Variants in DENND5A observed in about 807,000 individuals in gnomAD.
DENND5A encodes the protein DENN domain containing 5A.
DENND5A carries 64 observed loss-of-function variants against 140.3 expected under a neutral mutation model. The ratio of observed to expected loss-of-function variants is 0.46; its 90% CI spans 0.37 to 0.56. The LOEUF (loss-of-function observed/expected upper bound fraction) is 0.56, where lower values mean the gene tolerates loss of function less well. Ranked by LOEUF, DENND5A falls within the 20% of genes least tolerant of loss-of-function variation. The pLI is 0.00. For missense variants in DENND5A, 1,292 were observed against 1,593.8 expected (o/e 0.81, Z 3.22); for synonymous variants, 605 against 607.7 (o/e 1.00, Z 0.07).
chr11:9,159,306 T>C (rs1847902853), intron 12 of DENND5A, among the ~76,000 whole-genome samples: 2 of 151,468 alleles, frequency 1.3e-5, no homozygotes, highest in East Asian at 1.9e-4. Context: ...CTAATGCTGC[T>C]ATGAACTTTT....
At chr11:9,261,537 G>A (rs2136308752) in intron 1 of DENND5A, among the ~76,000 whole-genome samples, 1 of 152,050 alleles carries the variant, frequency 6.6e-6, no homozygotes, top group Admixed American at 6.6e-5. Context: ...TAGCATTTTG[G>A]GAGGCCGAGG....
At chr11:9,259,422 C>T (rs1294083910) in intron 1 of DENND5A, among the ~76,000 whole-genome samples, 3 of 151,822 alleles carry the variant, frequency 2.0e-5, no homozygotes, top group Non-Finnish European at 4.4e-5. Context: ...AAAAATTAGC[C>T]GGGCGTGGTG....
In DENND5A at chr11:9,144,149, C is replaced by A; in HGVS notation, c.3252G>T (p.Gln1084His). 6.2e-7 allele frequency: 1 copy of A among 1,614,158 alleles called. No individual in the cohort carries two copies. Among genetic ancestry groups the A allele is most frequent in the Non-Finnish European group, 8.5e-7 (1 of 1,180,014 alleles). Residue 1084 changes from glutamine to histidine, a missense_variant, in exon 19 of 23, where the codon CAG (glutamine) becomes CAT (histidine). By Grantham distance (24) the Gln-to-His change is conservative (BLOSUM62 0). This residue lies in a region of DENND5A where 498 missense variants were observed against 689.7 expected (regional missense o/e 0.72). Coordinates refer to ENST00000328194, the MANE Select transcript of DENND5A (RefSeq NM_015213.4). ...CAAGCCTCCGGATGACACTGGGGGA[C>A]TGCTGCAGCGGCGGGGTCCGGCATG... ...ERPCRTPPLQ[Q>H]SPSVIRRLVT... is the part of the protein sequence containing the mutation.
At chr11:9,220,242 T>C (rs868272041) in intron 1 of DENND5A, among the ~76,000 whole-genome samples, 1 of 152,170 alleles carries the variant, frequency 6.6e-6, no homozygotes, top group Admixed American at 6.5e-5. Context: ...TTGCTTGCAA[T>C]GTATGATATT....
intron 16 of DENND5A, 155 bp downstream of exon 16, chr11:9,146,875 G>A: frequency 2.6e-6 from 2 of 774,854 alleles, no homozygotes; most frequent in Admixed American, 2.5e-5. Flanking sequence ...AGCCTCCAAG[G>A]AGGGCAAGTG....
At chr11:9,221,767 CT>C (rs967308678) in intron 1 of DENND5A, among the ~76,000 whole-genome samples, 1 of 148,312 alleles carries the variant, frequency 6.7e-6, no homozygotes, top group Admixed American at 6.9e-5. Flanking sequence ...TTGTTGTTTT[CT>C]TTTTTTTAAG....
intron 15 of DENND5A, 59 bp from the exon 16 acceptor site, chr11:9,147,210 AT>A: frequency 6.3e-7 from 1 of 1,584,844 alleles, no homozygotes; most frequent in Non-Finnish European, 8.6e-7. Context: ...AGAAACTAGA[AT>A]TTTCAGTTCT....
chr11:9,149,846 A>G (rs1015806282), intron 15 of DENND5A, among the ~76,000 whole-genome samples: 1 of 152,224 alleles, frequency 6.6e-6, no homozygotes, highest in Non-Finnish European at 1.5e-5. Context: ...CTACCTCTCC[A>G]AGAAAGCTAG....
At chr11:9,214,207 T>G (rs1849998051) in intron 1 of DENND5A, among the ~76,000 whole-genome samples, 1 of 152,160 alleles carries the variant, frequency 6.6e-6, no homozygotes, top group African/African-American at 2.4e-5. Flanking sequence ...ACACTTCTAT[T>G]TTTTGTGCAT....
chr11:9,184,960 G>A (rs1010028758), intron 5 of DENND5A, among the ~76,000 whole-genome samples: 1 of 152,218 alleles, frequency 6.6e-6, no homozygotes, highest in African/African-American at 2.4e-5. Flanking sequence ...GGGAGGCCAG[G>A]TGGGTGGATC....
intron 1 of DENND5A, among the ~76,000 whole-genome samples, chr11:9,225,242 C>T (rs986145287): frequency 2.3e-4 from 35 of 152,276 alleles, no homozygotes; most frequent in African/African-American, 7.9e-4. Context: ...TTGATATTAG[C>T]TCACATCTTC....
chr11:9,258,672 C>T (rs1852058686), intron 1 of DENND5A, among the ~76,000 whole-genome samples: 1 of 152,104 alleles, frequency 6.6e-6, no homozygotes, highest in African/African-American at 2.4e-5. Flanking sequence ...CCCCCCGCAT[C>T]CACCACTCAT....
intron 1 of DENND5A, among the ~76,000 whole-genome samples, chr11:9,224,608 C>A (rs1850454266): frequency 6.6e-6 from 1 of 152,120 alleles, no homozygotes; most frequent in South Asian, 2.1e-4. Context: ...CACCTATAAT[C>A]CCAGCACTTT....
chr11:9,232,872 G>A (rs1428073983), intron 1 of DENND5A, among the ~76,000 whole-genome samples: 5 of 152,126 alleles, frequency 3.3e-5, no homozygotes, highest in Non-Finnish European at 7.4e-5. Flanking sequence ...GTCACACAAT[G>A]GCAAACTCTA....
At chr11:9,214,877 T>G (rs1162247719) in intron 1 of DENND5A, among the ~76,000 whole-genome samples, 1 of 152,026 alleles carries the variant, frequency 6.6e-6, no homozygotes, top group Non-Finnish European at 1.5e-5. Flanking sequence ...GCGCCTGCCA[T>G]CACCCTCAGC....
chr11:9,241,660 C>T (rs1851238690), intron 1 of DENND5A, among the ~76,000 whole-genome samples: 2 of 152,160 alleles, frequency 1.3e-5, no homozygotes, highest in African/African-American at 2.4e-5. Context: ...TCCTTTGACT[C>T]CTTAGAATTC....
At chr11:9,229,807 A>G (rs1232811016) in intron 1 of DENND5A, among the ~76,000 whole-genome samples, 1 of 151,330 alleles carries the variant, frequency 6.6e-6, no homozygotes, top group Non-Finnish European at 1.5e-5. Flanking sequence ...ACATTTCTAC[A>G]GGCCTCTCCC....
At chr11:9,140,253 G>A in intron 22 of DENND5A, 1 of 1,278,232 alleles carries the variant, frequency 7.8e-7, no homozygotes, top group Non-Finnish European at 1.0e-6. Flanking sequence ...ATAACCCTGT[G>A]ATATGAGGTA....
Position 9,203,653 on chromosome 11 carries a change from G to A in DENND5A, c.949+7C>T. 1 of 1,609,288 alleles carries A rather than the reference G, an allele frequency of 6.2e-7. No individual in the cohort carries two copies. Among genetic ancestry groups the A allele is most frequent in the Non-Finnish European group, 8.5e-7 (1 of 1,177,822 alleles). On this transcript the variant is annotated splice_region_variant and intron_variant, in intron 4 of 22. Transcript: ENST00000328194. The stretch of plus-strand genomic sequence containing the variant: ...CAGGCAGAAGGCTCTAGTAAGCACT[G>A]ACTTACGCTGTGAGTAGAGCAGGAT...
Sources: gnomAD v4.1 joint callset for allele counts (sites outside exome capture counted in the v4.1 genomes callset) on GRCh38, gnomAD v4.1.1 for gene constraint, gnomAD v4.1.1 regional missense constraint, MANE v1.5 for transcripts, NCBI Gene and HGNC (gene_info 2026-07-23, HGNC 2026-07-21) for gene names.